Variants in C1QTNF1 observed in about 807,000 individuals in gnomAD.
C1QTNF1 encodes complement C1q tumor necrosis factor-related protein 1.
In C1QTNF1, 22 loss-of-function variants were observed where a neutral mutation model predicts 27.8. That is an observed-to-expected ratio of 0.79 (90% confidence interval 0.56 to 1.13). C1QTNF1 has a LOEUF of 1.13. C1QTNF1 is among the 50% of genes most tolerant of loss of function. C1QTNF1 has a pLI of 0.00. For synonymous variants in C1QTNF1, 166 were observed against 154.3 expected, an observed-to-expected ratio of 1.08 and a Z score of -0.56; for missense variants, 373 against 380.2, an observed-to-expected ratio of 0.98 and a Z score of 0.16.
intron 1 of C1QTNF1, among the ~76,000 whole-genome samples, chr17:79,027,918 A>G (rs977682654): frequency 6.6e-6 from 1 of 152,202 alleles, no homozygotes; most frequent in Non-Finnish European, 1.5e-5. Flanking sequence ...CCCACTGTAC[A>G]CCAGGGCACT....
intron 1 of C1QTNF1, among the ~76,000 whole-genome samples, chr17:79,028,423 C>T (rs2072034263): frequency 6.6e-6 from 1 of 152,184 alleles, no homozygotes; most frequent in South Asian, 2.1e-4. Flanking sequence ...GGCAGGGCCC[C>T]CTGACTCTGC....
Position 79,030,517 on chromosome 17 carries a change from C to CTTTCTTTCT in C1QTNF1, c.-15+6026_-15+6034dup, listed in dbSNP as rs1555670031. ...TCTTTCTTTCTTTCTTTCTTTCTTT[C>CTTTCTTTCT]TTTCTTTCTTTCTTCTTTCTTTCTT... On this transcript the variant is annotated intron_variant, in intron 1 of 3. Coordinates refer to ENST00000579760, the MANE Select transcript of C1QTNF1 (RefSeq NM_030968.5). 2.6e-3 allele frequency among the ~76,000 whole-genome samples: 273 copies of CTTTCTTTCT among 104,856 alleles called. 1 individual carries two copies. Among genetic ancestry groups the CTTTCTTTCT allele is most frequent in the Non-Finnish European group, 4.0e-3 (206 of 50,986 alleles). The allele number at this position is 104,856 out of a possible 152,430, so 68.8% of individuals were successfully genotyped here.
intron 2 of C1QTNF1, among the ~76,000 whole-genome samples, chr17:79,045,720 G>A (rs1263519397): frequency 6.6e-6 from 1 of 152,138 alleles, no homozygotes; most frequent in South Asian, 2.1e-4. Flanking sequence ...CAGGGGTTTC[G>A]GTTTTGCATA....
chr17:79,023,572 T>A (rs1377561127), upstream of C1QTNF1, among the ~76,000 whole-genome samples: 1 of 152,252 alleles, frequency 6.6e-6, no homozygotes, highest in East Asian at 1.9e-4. Context: ...GGCTCACCAC[T>A]GTACTCGTGC....
intron 1 of C1QTNF1, among the ~76,000 whole-genome samples, chr17:79,040,550 T>C (rs188783281): frequency 6.6e-6 from 1 of 152,016 alleles, no homozygotes; most frequent in Non-Finnish European, 1.5e-5. Context: ...CAGGATTTTA[T>C]TGTCATCTGT....
rs1360674513 is a variant in C1QTNF1, at chr17:79,046,255, A to G, written c.156-300A>G. Among the ~76,000 whole-genome samples, 1 of 152,188 alleles carries G rather than the reference A, an allele frequency of 6.6e-6. No individual in the cohort carries two copies. Among genetic ancestry groups the G allele is most frequent in the Non-Finnish European group, 1.5e-5 (1 of 68,038 alleles). ...TCCCGGCATTGTCTTGTGTCACCCAAAGACCCTCTCTTAGAAGTGTGGATT... is the reference window on the plus strand; with the variant it reads ...TCCCGGCATTGTCTTGTGTCACCCAGAGACCCTCTCTTAGAAGTGTGGATT... On this transcript the variant is annotated intron_variant, in intron 2 of 3. Coordinates refer to ENST00000579760, the MANE Select transcript of C1QTNF1 (RefSeq NM_030968.5). The surrounding 1 kb of genome is among the most constrained non-coding windows in gnomAD (Gnocchi z 4.8).
chr17:79,043,130 TGTGCATGTTGGATTGCATGTGA>T, intron 1 of C1QTNF1, among the ~76,000 whole-genome samples: 1 of 150,368 alleles, frequency 6.7e-6, no homozygotes, highest in Non-Finnish European at 1.5e-5. Flanking sequence ...TGTGAATGTG[TGTGCATGTTGGATTGCATGTGA>T]GTGCATGTGA....
intron 1 of C1QTNF1, among the ~76,000 whole-genome samples, chr17:79,041,291 G>A (rs752508805): frequency 3.9e-5 from 6 of 152,148 alleles, no homozygotes; most frequent in Non-Finnish European, 8.8e-5. Context: ...GAGATGGGGC[G>A]TGGGCCATGC....
intron 1 of C1QTNF1, among the ~76,000 whole-genome samples, chr17:79,035,979 G>A (rs2145905312): frequency 6.6e-6 from 1 of 152,306 alleles, no homozygotes; most frequent in South Asian, 2.1e-4. Context: ...GGCTGGGGAT[G>A]GATGAGATGC....
At chr17:79,047,238 C>A (rs1287490487) in intron 3 of C1QTNF1, 1 of 276,924 alleles carries the variant, frequency 3.6e-6, no homozygotes, top group Non-Finnish European at 6.5e-6. Context: ...TTTTTCTTTT[C>A]TTTTTTTTTT....
chr17:79,027,082 G>C (rs561520263), intron 1 of C1QTNF1, among the ~76,000 whole-genome samples: 10 of 60,050 alleles, frequency 1.7e-4, no homozygotes, highest in African/African-American at 8.5e-4. Flanking sequence ...GTTCCTGGGC[G>C]GGGGGGGGCT....
intron 1 of C1QTNF1, chr17:79,043,427 T>G: frequency 2.2e-6 from 1 of 450,208 alleles, no homozygotes; most frequent in Non-Finnish European, 4.4e-6. Flanking sequence ...GTGTGTTGAC[T>G]GTGTGCATGT....
intron 1 of C1QTNF1, among the ~76,000 whole-genome samples, chr17:79,030,491 TTCTTTC>T (rs869081824): frequency 0.023 from 2,065 of 91,694 alleles, 25 homozygotes; most frequent in East Asian, 0.16. Flanking sequence ...TTCTTTTTCT[TTCTTTC>T]TTTCTTTCTT....
chr17:79,035,437 T>TTA (rs2072242783), intron 1 of C1QTNF1, among the ~76,000 whole-genome samples: 1 of 51,888 alleles, frequency 1.9e-5, no homozygotes, highest in Non-Finnish European at 3.1e-5. Flanking sequence ...TGAATCGTAT[T>TTA]TTTTTTTTTT....
At chr17:79,026,162 CTT>C (rs562248895) in intron 1 of C1QTNF1, among the ~76,000 whole-genome samples, 1 of 146,370 alleles carries the variant, frequency 6.8e-6, no homozygotes, top group African/African-American at 2.5e-5. Context: ...TCATATGCTT[CTT>C]TTTTTTTTTG....
intron 3 of C1QTNF1, chr17:79,047,240 T>C: frequency 1.3e-5 from 3 of 233,846 alleles, no homozygotes; most frequent in Admixed American, 5.6e-5. Flanking sequence ...TTTCTTTTCT[T>C]TTTTTTTTTT....
intron 1 of C1QTNF1, among the ~76,000 whole-genome samples, chr17:79,033,188 C>T (rs1488204002): frequency 6.6e-6 from 1 of 152,074 alleles, no homozygotes; most frequent in African/African-American, 2.4e-5. Context: ...GTGCAAGGTG[C>T]TAAGAGCTGT....
Position 79,028,420 on chromosome 17 carries a change from C to T in C1QTNF1, c.-15+3926C>T, listed in dbSNP as rs549321207. ...GATGTAGGTCAGAAGGCGGGCAGGG[C>T]CCCCTGACTCTGCCCACAGGTTCCT... On this transcript the variant is annotated intron_variant, in intron 1 of 3. Transcript: ENST00000579760. Among the ~76,000 whole-genome samples, 3 of 152,324 alleles carry T rather than the reference C, an allele frequency of 2.0e-5. No homozygotes were observed. In the East Asian group the frequency reaches 5.8e-4, roughly 29 times the overall value.
At chr17:79,038,345 C>T (rs1039858593) in intron 1 of C1QTNF1, among the ~76,000 whole-genome samples, 8 of 152,156 alleles carry the variant, frequency 5.3e-5, no homozygotes, top group Admixed American at 5.2e-4. Flanking sequence ...TCCTCTACGT[C>T]CTGCGTGTAG....
Sources: allele counts gnomAD v4.1 joint callset (sites outside exome capture counted in the v4.1 genomes callset), GRCh38; gene constraint gnomAD v4.1.1; non-coding constraint Gnocchi (gnomAD v3.1); transcripts MANE v1.5; gene names NCBI Gene and HGNC (gene_info 2026-07-23, HGNC 2026-07-21).